PNLIPRP3: variants seen among roughly 807,000 people sequenced by gnomAD.
PNLIPRP3 encodes pancreatic lipase-related protein 3.
In PNLIPRP3, 58 loss-of-function variants were observed where a neutral mutation model predicts 52.8. The observed-to-expected ratio is 1.10, with a 90% CI of 0.89 to 1.37. PNLIPRP3 has a LOEUF of 1.37. Among genes scored for constraint, PNLIPRP3 ranks in the 40% most tolerant of loss-of-function variants. The pLI is 0.00. For synonymous variants in PNLIPRP3, 192 were observed against 185.0 expected, an observed-to-expected ratio of 1.04 and a Z score of -0.31; for missense variants, 593 against 561.6, an observed-to-expected ratio of 1.06 and a Z score of -0.57.
At chr10:116,472,006 G>A in intron 10 of PNLIPRP3, 127 bp downstream of exon 10, 1 of 537,566 alleles carries the variant, frequency 1.9e-6, no homozygotes, top group Non-Finnish European at 3.3e-6. Context: ...TGGTATCTTT[G>A]ATTTTTCTTT....
chr10:116,427,865 A>C lies in PNLIPRP3; in HGVS notation c.-148A>C. The C allele has an allele frequency of 1.5e-6, 1 of 659,912 alleles. No individual in the cohort carries two copies. The highest frequency in any genetic ancestry group is 2.8e-5 in the East Asian group (1 of 35,824). The allele number at this position is 659,912 out of a possible 1,614,324, so 40.9% of individuals were successfully genotyped here. A position where few individuals can be genotyped will look rare whatever the true frequency, so the allele number is the denominator to read the frequency against. On this transcript the variant is annotated 5_prime_UTR_variant, in exon 1 of 12. Coordinates refer to ENST00000369230, the MANE Select transcript of PNLIPRP3 (RefSeq NM_001011709.3). ...TAATTTTATTTACTTTGCAGAGCAT[A>C]AGGTGGAATAACATGTTCTTTTAAA...
Position 116,455,704 on chromosome 10 carries a change from G to C in PNLIPRP3, c.457-18G>C. The C allele has an allele frequency of 5.8e-6, 9 of 1,561,508 alleles. No individual in the cohort carries two copies. Among genetic ancestry groups the C allele is most frequent in the Non-Finnish European group, 7.9e-6 (9 of 1,136,478 alleles). On this transcript the variant is annotated intron_variant, in intron 4 of 11. Coordinates refer to ENST00000369230, the MANE Select transcript of PNLIPRP3 (RefSeq NM_001011709.3). Reference sequence around the variant, plus strand: ...CCGCTGTTTTTAAAATACTTATTCTGTTAAACAATTCTTTCAGAAAAAATT... The same window carrying C: ...CCGCTGTTTTTAAAATACTTATTCTCTTAAACAATTCTTTCAGAAAAAATT...
chr10:116,466,090 T>C lies in PNLIPRP3; in HGVS notation c.849T>C (p.Tyr283=), dbSNP rs1564703783. Residue 283 remains tyrosine, a synonymous_variant, in exon 8 of 12, where the codon TAT becomes TAC. Coordinates refer to ENST00000369230, the MANE Select transcript of PNLIPRP3 (RefSeq NM_001011709.3). ...TTGACTGTAACCATGCCCGAAGTTATCAATTTTATGCTGAAAGCATTCTTA... is the reference window on the plus strand; with the variant it reads ...TTGACTGTAACCATGCCCGAAGTTACCAATTTTATGCTGAAAGCATTCTTA... ...SFFDCNHARS[Y]QFYAESILNP... The C allele has an allele frequency of 1.2e-6, 2 of 1,613,868 alleles. No homozygotes were observed. The highest frequency in any genetic ancestry group is 1.7e-6 in the Non-Finnish European group (2 of 1,179,926).
intron 4 of PNLIPRP3, among the ~76,000 whole-genome samples, chr10:116,444,792 C>T (rs1411243982): frequency 6.6e-6 from 1 of 152,190 alleles, no homozygotes; most frequent in Non-Finnish European, 1.5e-5. Context: ...GTTAGACCAC[C>T]TCAATCAGTT....
intron 2 of PNLIPRP3, among the ~76,000 whole-genome samples, chr10:116,441,024 T>C (rs1298993395): frequency 6.6e-6 from 1 of 152,222 alleles, no homozygotes; most frequent in South Asian, 2.1e-4. Context: ...CTCGATAACC[T>C]ATTCTGTACA....
Position 116,439,867 on chromosome 10 carries a change from A to G in PNLIPRP3, c.204+3002A>G. The G allele has an allele frequency of 3.8e-6, 3 of 786,592 alleles. No individual in the cohort carries two copies. The South Asian group carries it at 4.0e-5, about 11-fold the overall frequency. The allele number at this position is 786,592 out of a possible 1,614,324, so 48.7% of individuals were successfully genotyped here. A position where few individuals can be genotyped will look rare whatever the true frequency, so the allele number is the denominator to read the frequency against. On this transcript the variant is annotated intron_variant, in intron 2 of 11. Coordinates refer to ENST00000369230, the MANE Select transcript of PNLIPRP3 (RefSeq NM_001011709.3). ...TTTAATCACCTTTGCCATTTCATCAAATTTAGATTTCTCTTTCCCGGACAT... is the reference window on the plus strand; with the variant it reads ...TTTAATCACCTTTGCCATTTCATCAGATTTAGATTTCTCTTTCCCGGACAT...
In PNLIPRP3 at chr10:116,477,370, C is replaced by A. The variant is rs1589994668; in HGVS notation, c.*217C>A. On this transcript the variant is annotated 3_prime_UTR_variant, in exon 12 of 12. Transcript: ENST00000369230. ...TGAACCCTGGGACAAAAGATAATTA[C>A]TATGATCTGTAGGAATCTGGATATC... The A allele has an allele frequency of 2.6e-6, 1 of 388,916 alleles. No individual in the cohort carries two copies. Among genetic ancestry groups the A allele is most frequent in the Non-Finnish European group, 4.5e-6 (1 of 220,720 alleles). The allele number at this position is 388,916 out of a possible 1,614,324, so 24.1% of individuals were successfully genotyped here.
rs1846487039 is a variant in PNLIPRP3 at position 116,477,244 on chromosome 10, G to C, written c.*91G>C. The C allele has an allele frequency of 9.6e-7, 1 of 1,037,142 alleles. No individual in the cohort carries two copies. Among genetic ancestry groups the C allele is most frequent in the Admixed American group, 2.3e-5 (1 of 42,568 alleles). 64.2% of individuals were successfully genotyped at this position (1,037,142 alleles called of 1,614,324 possible). On this transcript the variant is annotated 3_prime_UTR_variant, in exon 12 of 12. Transcript: ENST00000369230. Reference sequence around the variant, plus strand: ...GGCATCCAGACCAAATTTGACCCTTGTAAATGACTTAGTCATTTACAAGGG... The same window carrying C: ...GGCATCCAGACCAAATTTGACCCTTCTAAATGACTTAGTCATTTACAAGGG...
intron 4 of PNLIPRP3, among the ~76,000 whole-genome samples, chr10:116,454,692 T>A (rs1265548127): frequency 2.0e-5 from 3 of 152,234 alleles, no homozygotes; most frequent in African/African-American, 4.8e-5. Context: ...TATGCCTGGC[T>A]TCTTTCACTT....
At chr10:116,447,710 C>G (rs1845972476) in intron 4 of PNLIPRP3, among the ~76,000 whole-genome samples, 1 of 152,208 alleles carries the variant, frequency 6.6e-6, no homozygotes, top group South Asian at 2.1e-4. Context: ...CCAAGACAGG[C>G]AGATCACTTG....
At chr10:116,455,403 G>C (rs1016773288) in intron 4 of PNLIPRP3, among the ~76,000 whole-genome samples, 2 of 152,190 alleles carry the variant, frequency 1.3e-5, no homozygotes, top group Non-Finnish European at 2.9e-5. Context: ...GAAAGGATTT[G>C]GGCCTCAGGA....
Position 116,476,775 on chromosome 10 carries a change from G to A in PNLIPRP3, c.1296G>A (p.Leu432=). Residue 432 remains leucine (L), a synonymous_variant, in exon 11 of 12, where the codon TTG becomes TTA. Coordinates refer to ENST00000369230, the MANE Select transcript of PNLIPRP3 (RefSeq NM_001011709.3). ...TGTTTGAAGATTCTCAGAATAAGTTGGGAGCAGAAATGGTGATAAATACAT... is the reference window on the plus strand; with the variant it reads ...TGTTTGAAGATTCTCAGAATAAGTTAGGAGCAGAAATGGTGATAAATACAT... ...KHLFEDSQNK[L]GAEMVINTSG... 1 of 1,610,316 alleles carries A rather than the reference G, an allele frequency of 6.2e-7. No homozygotes were observed.
chr10:116,455,521 A>C (rs2133135934), intron 4 of PNLIPRP3, among the ~76,000 whole-genome samples: 1 of 152,288 alleles, frequency 6.6e-6, no homozygotes, highest in South Asian at 2.1e-4. Context: ...CTCCTATAGA[A>C]GGCATTCTTC....
chr10:116,447,888 G>A (rs967747059), intron 4 of PNLIPRP3, among the ~76,000 whole-genome samples: 15 of 150,608 alleles, frequency 1.0e-4, no homozygotes, highest in African/African-American at 3.7e-4. Context: ...AGTGAGCTGA[G>A]ATGGTGCCAC....
chr10:116,453,098 C>T (rs530995316), intron 4 of PNLIPRP3, among the ~76,000 whole-genome samples: 1 of 152,204 alleles, frequency 6.6e-6, no homozygotes, highest in African/African-American at 2.4e-5. Flanking sequence ...CTGCCCAAGG[C>T]CTTGGGATCC....
At chr10:116,472,794 G>A (rs902329091) in intron 10 of PNLIPRP3, among the ~76,000 whole-genome samples, 1 of 152,162 alleles carries the variant, frequency 6.6e-6, no homozygotes, top group African/African-American at 2.4e-5. Flanking sequence ...CTTCAGTTCA[G>A]CGAGGCTACA....
rs762161567 is a variant in PNLIPRP3, at chr10:116,466,090, TCA to T, written c.850_851del (p.Gln284IlefsTer4). 47 of 1,613,866 alleles carry T rather than the reference TCA, an allele frequency of 2.9e-5. No individual in the cohort carries two copies. Among genetic ancestry groups the T allele is most frequent in the Non-Finnish European group, 3.9e-5 (46 of 1,179,924 alleles). ...TTGACTGTAACCATGCCCGAAGTTATCAATTTTATGCTGAAAGCATTCTTAAT... is the reference window on the plus strand; with the variant it reads ...TTGACTGTAACCATGCCCGAAGTTATATTTTATGCTGAAAGCATTCTTAAT... ...FFDCNHARSY[Q>X]FYAESILNPD... On this transcript the variant is annotated frameshift_variant, in exon 8 of 12. Transcript: ENST00000369230. LOFTEE classifies it high-confidence loss of function.
At position 116,436,612 on chromosome 10, in the gene PNLIPRP3, T is replaced by TTCAAGCCATA. The variant is rs1845777443; in HGVS notation, c.50-99_50-98insTCAAGCCATA. On this transcript the variant is annotated intron_variant, in intron 1 of 11. Coordinates refer to ENST00000369230, the MANE Select transcript of PNLIPRP3 (RefSeq NM_001011709.3). ...TCAAGCCATAAATCCAATAAGGGGT[T>TTCAAGCCATA]AATTTCCAAAATTAAATTCTACTTT... is the stretch of plus-strand genomic sequence containing the variant. 8.0e-6 allele frequency: 10 copies of TTCAAGCCATA among 1,254,400 alleles called. No individual in the cohort carries two copies. The South Asian group carries it at 2.0e-4, about 25-fold the overall frequency. 77.7% of individuals were successfully genotyped at this position (1,254,400 alleles called of 1,614,324 possible).
intron 11 of PNLIPRP3, 92 bp from the exon 12 acceptor site, chr10:116,476,998 A>G (rs928586205): frequency 1.2e-5 from 15 of 1,233,674 alleles, no homozygotes; most frequent in Non-Finnish European, 1.5e-5. Context: ...TTAGAAAATA[A>G]GAATTACTCA....
Sources: gnomAD v4.1 joint callset for allele counts (sites outside exome capture counted in the v4.1 genomes callset) on GRCh38, gnomAD v4.1.1 for gene constraint, MANE v1.5 for transcripts, NCBI Gene and HGNC (gene_info 2026-07-23, HGNC 2026-07-21) for gene names.